The following UVRAG variants were observed in gnomAD, a reference collection of about 807,000 sequenced individuals.
UVRAG encodes the protein UV radiation resistance associated.
A neutral mutation model predicts 78.0 loss-of-function variants in UVRAG; 19 were observed. The ratio of observed to expected loss-of-function variants is 0.24; its 90% CI spans 0.17 to 0.36. UVRAG has a LOEUF of 0.36. Among genes scored for constraint, UVRAG ranks in the 10% least tolerant of loss-of-function variants. The probability of loss-of-function intolerance (pLI) is 1.00; values close to 1 mark genes in which losing one functional copy is unlikely to be tolerated. For synonymous variants in UVRAG, 323 were observed against 324.6 expected (o/e 1.00, Z 0.05); for missense variants, 740 against 853.8 (o/e 0.87, Z 1.66).
intron 8 of UVRAG, among the ~76,000 whole-genome samples, chr11:75,994,862 T>A (rs1181605622): frequency 6.6e-6 from 1 of 152,250 alleles, no homozygotes; most frequent in African/African-American, 2.4e-5. Flanking sequence ...TTTTGCTTTG[T>A]TCCTTTTTAT....
At chr11:75,872,860 G>A (rs1268814576) in intron 3 of UVRAG, among the ~76,000 whole-genome samples, 2 of 152,194 alleles carry the variant, frequency 1.3e-5, no homozygotes, top group Non-Finnish European at 2.9e-5. Context: ...TGAAGATTAA[G>A]TAAGAATATA....
At chr11:76,067,999 C>G (rs1448574630) in intron 13 of UVRAG, among the ~76,000 whole-genome samples, 1 of 152,116 alleles carries the variant, frequency 6.6e-6, no homozygotes, top group African/African-American at 2.4e-5. Flanking sequence ...CTATTGGAAG[C>G]TTCCTGGTGA....
chr11:75,830,603 A>G (rs906810053), intron 1 of UVRAG, among the ~76,000 whole-genome samples: 1 of 152,064 alleles, frequency 6.6e-6, no homozygotes, highest in Non-Finnish European at 1.5e-5. Flanking sequence ...TCATAAGAAG[A>G]CTTGTTATAA....
At position 75,815,344 on chromosome 11, in the gene UVRAG, C is replaced by T; in HGVS notation, c.-64C>T. The T allele has an allele frequency of 1.1e-6, 1 of 903,308 alleles. No individual in the cohort carries two copies. The highest frequency in any genetic ancestry group is 1.5e-6 in the Non-Finnish European group (1 of 683,232). 56.0% of individuals were successfully genotyped at this position (903,308 alleles called of 1,614,324 possible). On this transcript the variant is annotated 5_prime_UTR_variant, in exon 1 of 15. Transcript: ENST00000356136. ...GCTGCAGGGGCTTGGTAGGTGGTGGCAAGGGGGCGGCGGCGGATGCCGGAA... is the reference window on the plus strand; with the variant it reads ...GCTGCAGGGGCTTGGTAGGTGGTGGTAAGGGGGCGGCGGCGGATGCCGGAA...
chr11:76,029,859 T>G (rs1950399726), intron 12 of UVRAG, among the ~76,000 whole-genome samples: 1 of 152,270 alleles, frequency 6.6e-6, no homozygotes, highest in Admixed American at 6.5e-5. Flanking sequence ...TGCCAAAAAC[T>G]TCATTGTCTT....
chr11:76,031,051 G>A (rs890043701), intron 12 of UVRAG, among the ~76,000 whole-genome samples: 27 of 152,134 alleles, frequency 1.8e-4, no homozygotes, highest in Admixed American at 5.2e-4. Context: ...TGAATTAGGA[G>A]AGTAAAAGGA....
chr11:76,091,322 G>A (rs1379577234), intron 13 of UVRAG, among the ~76,000 whole-genome samples: 1 of 152,000 alleles, frequency 6.6e-6, no homozygotes, highest in Non-Finnish European at 1.5e-5. Context: ...CTGTATTTGT[G>A]CCCAATGTTC....
intron 12 of UVRAG, among the ~76,000 whole-genome samples, chr11:76,032,881 T>C (rs1344040228): frequency 1.3e-5 from 2 of 152,218 alleles, no homozygotes; most frequent in East Asian, 1.9e-4. Context: ...ACAGTTAACA[T>C]TGAGACATGT....
At chr11:75,901,825 A>T (rs933031482) in intron 5 of UVRAG, among the ~76,000 whole-genome samples, 2 of 152,184 alleles carry the variant, frequency 1.3e-5, no homozygotes, top group Non-Finnish European at 2.9e-5. Flanking sequence ...TCTCAGGCTA[A>T]GATTTGTTCA....
chr11:76,122,986 A>G (rs561880111), intron 14 of UVRAG, among the ~76,000 whole-genome samples: 3 of 152,304 alleles, frequency 2.0e-5, no homozygotes, highest in South Asian at 2.1e-4. Flanking sequence ...AAAAACTGAG[A>G]CTCAGTGTGC....
intron 6 of UVRAG, among the ~76,000 whole-genome samples, chr11:75,936,467 T>A (rs1036444098): frequency 1.3e-5 from 2 of 152,252 alleles, no homozygotes; most frequent in African/African-American, 4.8e-5. Context: ...CAGCTTTTTC[T>A]GTTTAATTGT....
At chr11:76,107,784 ATGG>A (rs1951997346) in intron 13 of UVRAG, among the ~76,000 whole-genome samples, 1 of 148,696 alleles carries the variant, frequency 6.7e-6, no homozygotes, top group African/African-American at 2.4e-5. Context: ...TGTTTTTGAC[ATGG>A]TGGTACTCTT....
chr11:76,077,100 TAAAC>T (rs946804980), intron 13 of UVRAG, among the ~76,000 whole-genome samples: 1 of 148,978 alleles, frequency 6.7e-6, no homozygotes, highest in Non-Finnish European at 1.5e-5. Flanking sequence ...GGTTGATAAT[TAAAC>T]AACTCATTTC....
At chr11:75,987,153 C>G (rs1949515775) in intron 8 of UVRAG, among the ~76,000 whole-genome samples, 1 of 152,156 alleles carries the variant, frequency 6.6e-6, no homozygotes, top group Admixed American at 6.5e-5. Flanking sequence ...TATGAGAACT[C>G]TATTTTTAAC....
At chr11:75,942,827 C>T (rs1948512381) in intron 6 of UVRAG, among the ~76,000 whole-genome samples, 3 of 152,236 alleles carry the variant, frequency 2.0e-5, no homozygotes, top group Middle Eastern at 6.8e-3. Flanking sequence ...CTTCATGGTA[C>T]ATATGCTTAC....
chr11:75,951,772 G>A (rs1379634708), intron 6 of UVRAG, among the ~76,000 whole-genome samples: 1 of 152,102 alleles, frequency 6.6e-6, no homozygotes, highest in Admixed American at 6.5e-5. Context: ...ATAAAATCTA[G>A]TAGTGTAAGC....
chr11:75,867,387 ATATCG>A (rs2134810299), intron 3 of UVRAG, among the ~76,000 whole-genome samples: 1 of 152,276 alleles, frequency 6.6e-6, no homozygotes, highest in African/African-American at 2.4e-5. Context: ...GAATGAAATA[ATATCG>A]TATGCACTCT....
At chr11:75,975,806 C>G (rs1396934737) in intron 7 of UVRAG, among the ~76,000 whole-genome samples, 1 of 152,204 alleles carries the variant, frequency 6.6e-6, no homozygotes, top group Non-Finnish European at 1.5e-5. Flanking sequence ...ATCATGTCAT[C>G]TGCAAACAGG....
At chr11:76,047,210 G>A (rs1269335280) in intron 12 of UVRAG, among the ~76,000 whole-genome samples, 2 of 152,164 alleles carry the variant, frequency 1.3e-5, no homozygotes, top group African/African-American at 4.8e-5. Context: ...ACTAGGGGAA[G>A]GCTTCAGAGA....
Sources: allele counts gnomAD v4.1 joint callset (sites outside exome capture counted in the v4.1 genomes callset), GRCh38; gene constraint gnomAD v4.1.1; transcripts MANE v1.5; gene names NCBI Gene and HGNC (gene_info 2026-07-23, HGNC 2026-07-21).